AGAP1: variants seen among roughly 807,000 people sequenced by gnomAD.
AGAP1 encodes the protein ArfGAP with GTPase domain, ankyrin repeat and PH domain 1.
AGAP1 carries 29 observed loss-of-function variants against 105.3 expected under a neutral mutation model. That is an observed-to-expected ratio of 0.28 (90% CI 0.21 to 0.38). AGAP1 has a LOEUF of 0.38. AGAP1 is among the 10% of genes least tolerant of loss of function. The pLI is 1.00. For missense variants in AGAP1, 998 were observed against 1,165.1 expected (o/e 0.86, Z 2.09); for synonymous variants, 509 against 485.9 (o/e 1.05, Z -0.63).
At chr2:235,808,916 A>T (rs1234459232) in intron 9 of AGAP1, among the ~76,000 whole-genome samples, 5 of 152,190 alleles carry the variant, frequency 3.3e-5, no homozygotes, top group African/African-American at 1.2e-4. Context: ...CTTTATTTAT[A>T]ACCTAACTCT....
At chr2:235,646,287 AG>A (rs1553596038) in intron 1 of AGAP1, among the ~76,000 whole-genome samples, 1 of 150,650 alleles carries the variant, frequency 6.6e-6, no homozygotes, top group East Asian at 1.9e-4. Context: ...AAAAAAAAAA[AG>A]GTTGTTTTGT....
At chr2:235,693,176 G>C (rs909972905) in intron 1 of AGAP1, among the ~76,000 whole-genome samples, 2 of 152,210 alleles carry the variant, frequency 1.3e-5, no homozygotes, top group Non-Finnish European at 2.9e-5. Flanking sequence ...GCTCCCGCCT[G>C]AGGGTTTGCT....
chr2:235,538,427 ATGTGTG>A (rs57515821), intron 1 of AGAP1, among the ~76,000 whole-genome samples: 3,204 of 135,404 alleles, frequency 0.024, 135 homozygotes, highest in African/African-American at 0.083. Flanking sequence ...CTCAGCCACT[ATGTGTG>A]TGTGTGTGTG....
intron 9 of AGAP1, among the ~76,000 whole-genome samples, chr2:235,850,755 TCA>T (rs2048406910): frequency 1.3e-5 from 2 of 152,200 alleles, no homozygotes; most frequent in South Asian, 4.1e-4. Context: ...GGTGGTGACT[TCA>T]CACACATTTG....
chr2:235,939,383 A>G (rs903695735), intron 12 of AGAP1, among the ~76,000 whole-genome samples: 3 of 151,816 alleles, frequency 2.0e-5, no homozygotes, highest in African/African-American at 4.8e-5. Context: ...CTCTGAACTC[A>G]TCACCTCTCA....
At chr2:235,898,898 C>T (rs1052297009) in intron 10 of AGAP1, among the ~76,000 whole-genome samples, 2 of 152,146 alleles carry the variant, frequency 1.3e-5, no homozygotes, top group Non-Finnish European at 2.9e-5. Context: ...TTTAGGAAAT[C>T]AGAAAAGTGT....
At chr2:235,593,870 G>A (rs894079525) in intron 1 of AGAP1, among the ~76,000 whole-genome samples, 2 of 152,106 alleles carry the variant, frequency 1.3e-5, no homozygotes, top group African/African-American at 4.8e-5. Context: ...TTGGGAGGCT[G>A]AGGTAGGAGG....
rs761553820 is a variant in AGAP1 at position 235,531,754 on chromosome 2, G to T, written c.163+36905G>T. 1.3e-3 allele frequency among the ~76,000 whole-genome samples: 190 copies of T among 151,974 alleles called. 1 individual carries two copies. The highest frequency in any genetic ancestry group is 2.5e-4 in the Non-Finnish European group (17 of 67,962). ...TCCCAGAGTAGCTGGGATTACAGGTGCCTGCCACCACGCCCAGCTAATTTT... is the reference window on the plus strand; with the variant it reads ...TCCCAGAGTAGCTGGGATTACAGGTTCCTGCCACCACGCCCAGCTAATTTT... On this transcript the variant is annotated intron_variant, in intron 1 of 17. Transcript: ENST00000304032.
intron 16 of AGAP1, among the ~76,000 whole-genome samples, chr2:236,067,260 G>A (rs1052998334): frequency 5.3e-5 from 8 of 152,102 alleles, no homozygotes; most frequent in African/African-American, 1.7e-4. Context: ...TCATCAGGAT[G>A]ATTTCAAGAA....
At chr2:235,585,089 G>T (rs148216960) in intron 1 of AGAP1, among the ~76,000 whole-genome samples, 2 of 151,808 alleles carry the variant, frequency 1.3e-5, no homozygotes, top group African/African-American at 2.4e-5. Context: ...TTTAGCTCTG[G>T]TCTTTCCCTC....
chr2:235,884,395 A>G (rs1326630458), intron 10 of AGAP1, among the ~76,000 whole-genome samples: 2 of 151,522 alleles, frequency 1.3e-5, no homozygotes, highest in Admixed American at 6.6e-5. Context: ...AATAGTTGCT[A>G]TACTATTGTT....
chr2:235,521,355 A>G (rs1252642632), intron 1 of AGAP1, among the ~76,000 whole-genome samples: 1 of 152,214 alleles, frequency 6.6e-6, no homozygotes, highest in Non-Finnish European at 1.5e-5. Flanking sequence ...GTGTGGAACC[A>G]ATGTCACATC....
At chr2:235,546,433 A>G (rs913151057) in intron 1 of AGAP1, among the ~76,000 whole-genome samples, 2 of 152,176 alleles carry the variant, frequency 1.3e-5, no homozygotes, top group African/African-American at 4.8e-5. Flanking sequence ...TAACCAGGTT[A>G]CACTCTTGGT....
intron 1 of AGAP1, among the ~76,000 whole-genome samples, chr2:235,539,893 G>A (rs1294635347): frequency 1.3e-5 from 2 of 152,138 alleles, no homozygotes; most frequent in Non-Finnish European, 1.5e-5. Context: ...AGGAAAACAA[G>A]CCCTTTTAGT....
intron 9 of AGAP1, among the ~76,000 whole-genome samples, chr2:235,849,344 A>G (rs896655564): frequency 1.3e-5 from 2 of 152,220 alleles, no homozygotes; most frequent in Non-Finnish European, 2.9e-5. Context: ...GAGTACACAT[A>G]TTACTATAAT....
rs992327756 is a variant in AGAP1, at chr2:235,843,558, A to G, written c.1050+36227A>G. Among the ~76,000 whole-genome samples, 5 of 151,696 alleles carry G rather than the reference A, an allele frequency of 3.3e-5. No individual in the cohort carries two copies. Among genetic ancestry groups the G allele is most frequent in the African/African-American group, 1.2e-4 (5 of 41,230 alleles). ...ATGCCTCCGCCTCCCTTCGTTCCCC[A>G]TTTGCAGCCTCTAGGTGCCCTGTCT... is the stretch of plus-strand genomic sequence containing the variant. On this transcript the variant is annotated intron_variant, in intron 9 of 17. Coordinates refer to ENST00000304032, the MANE Select transcript of AGAP1 (RefSeq NM_001037131.3). The surrounding 1 kb of genome is among the most constrained non-coding windows in gnomAD (Gnocchi z 5.9).
Position 235,494,868 on chromosome 2 carries a change from T to TG in AGAP1, c.163+23dup, listed in dbSNP as rs764862707. ...ATCGAAGGTGAGGGCCGGGCCGCCT[T>TG]GGGGCCTCGGGAAGGCACGGACGCC... On this transcript the variant is annotated intron_variant, in intron 1 of 17. Coordinates refer to ENST00000304032, the MANE Select transcript of AGAP1 (RefSeq NM_001037131.3). The TG allele has an allele frequency of 6.4e-7, 1 of 1,553,124 alleles. No homozygotes were observed. Among genetic ancestry groups the TG allele is most frequent in the South Asian group, 1.2e-5 (1 of 86,448 alleles).
At chr2:235,630,951 C>T (rs1037338235) in intron 1 of AGAP1, among the ~76,000 whole-genome samples, 7 of 152,190 alleles carry the variant, frequency 4.6e-5, no homozygotes, top group African/African-American at 1.4e-4. Flanking sequence ...AACAAAGAGC[C>T]GCTGCACGAG....
In AGAP1 at chr2:235,661,868, G is replaced by A. The variant is rs185207222; in HGVS notation, c.164-47311G>A. ...TTGGCCTCTGCTGGACAGAGAAGGA[G>A]GCGCCAGGAGGCAGCTCTGAGTTGG... On this transcript the variant is annotated intron_variant, in intron 1 of 17. Coordinates refer to ENST00000304032, the MANE Select transcript of AGAP1 (RefSeq NM_001037131.3). Among the ~76,000 whole-genome samples, 28 of 152,300 alleles carry A rather than the reference G, an allele frequency of 1.8e-4. 2 individuals carry two copies. In the East Asian group the frequency reaches 4.3e-3, roughly 23 times the overall value.
Sources: allele counts gnomAD v4.1 joint callset (sites outside exome capture counted in the v4.1 genomes callset), GRCh38; gene constraint gnomAD v4.1.1; non-coding constraint Gnocchi (gnomAD v3.1); transcripts MANE v1.5; gene names NCBI Gene and HGNC (gene_info 2026-07-23, HGNC 2026-07-21).